The following NR1D2 variants were observed in gnomAD, a reference collection of about 807,000 sequenced individuals.
NR1D2 encodes the protein V-erbA-related protein 1-related.
Under a neutral mutation model 52.2 loss-of-function variants are expected in NR1D2, and 25 were observed. The observed-to-expected ratio is 0.48, with a 90% CI of 0.35 to 0.67. NR1D2 has a LOEUF of 0.67. NR1D2 is among the 30% of genes least tolerant of loss of function. The pLI is 0.01. For synonymous variants in NR1D2, 259 were observed against 230.1 expected, an observed-to-expected ratio of 1.13 and a Z score of -1.14; for missense variants, 681 against 707.2, an observed-to-expected ratio of 0.96 and a Z score of 0.42.
At chr3:23,970,559 G>A (rs1244907007) in intron 7 of NR1D2, among the ~76,000 whole-genome samples, 2 of 151,856 alleles carry the variant, frequency 1.3e-5, no homozygotes, top group Non-Finnish European at 2.9e-5. Context: ...CTATCCATTC[G>A]CCTATCCATC....
At chr3:23,947,040 CTGT>C (rs944487096) in intron 1 of NR1D2, among the ~76,000 whole-genome samples, 5 of 151,858 alleles carry the variant, frequency 3.3e-5, no homozygotes, top group Admixed American at 1.3e-4. Flanking sequence ...TTTTTTTAAC[CTGT>C]TGTCTCACAA....
At chr3:23,956,832 C>T (rs534351229) in intron 3 of NR1D2, among the ~76,000 whole-genome samples, 3 of 152,150 alleles carry the variant, frequency 2.0e-5, no homozygotes, top group Non-Finnish European at 4.4e-5. Flanking sequence ...CAAAAATTAA[C>T]GTGATGAAGA....
At chr3:23,953,182 A>G (rs1705989231) in intron 1 of NR1D2, among the ~76,000 whole-genome samples, 1 of 151,760 alleles carries the variant, frequency 6.6e-6, no homozygotes, top group African/African-American at 2.4e-5. Context: ...ACTAAAAAAA[A>G]AAATACAAAA....
At chr3:23,962,744 T>C (rs1647494478) in intron 5 of NR1D2, 139 bp downstream of exon 5, 1 of 759,756 alleles carries the variant, frequency 1.3e-6, no homozygotes, top group Admixed American at 2.8e-5. Flanking sequence ...GTACAGTATT[T>C]TAGGTCAAAT....
rs773744875 is a variant in NR1D2, at chr3:23,957,583, C to CGTAGTG, written c.372+1461_372+1466dup. ...TACAAAAAAAAAAAAATTAGCCGGACGTAGTGGTGGGCGCCTGTAGTCCCA... is the reference window on the plus strand; with the variant it reads ...TACAAAAAAAAAAAAATTAGCCGGACGTAGTGGTAGTGGTGGGCGCCTGTAGTCCCA... On this transcript the variant is annotated intron_variant, in intron 3 of 7. Transcript: ENST00000312521. Among the ~76,000 whole-genome samples, 4 of 150,818 alleles carry CGTAGTG rather than the reference C, an allele frequency of 2.7e-5. No homozygotes were observed. In the East Asian group the frequency reaches 5.9e-4, roughly 22 times the overall value.
rs869108010 is a variant in NR1D2 at position 23,961,389 on chromosome 3, C to CTTT, written c.518-566_518-564dup. ...TCATATTTCTTTTTTCTTTTTCTTT[C>CTTT]TTTTTTTTTTTTTTTTTTTTTTTTA... On this transcript the variant is annotated intron_variant, in intron 4 of 7. Transcript: ENST00000312521. Among the ~76,000 whole-genome samples, 236 of 75,946 alleles carry CTTT rather than the reference C, an allele frequency of 3.1e-3. 12 individuals carry two copies. In the South Asian group the frequency reaches 0.046, roughly 15 times the overall value. The allele number at this position is 75,946 out of a possible 152,430, so 49.8% of individuals were successfully genotyped here. A position where few individuals can be genotyped will look rare whatever the true frequency, so the allele number is the denominator to read the frequency against.
At chr3:23,950,714 A>T (rs1705902412) in intron 1 of NR1D2, among the ~76,000 whole-genome samples, 1 of 152,174 alleles carries the variant, frequency 6.6e-6, no homozygotes, top group South Asian at 2.1e-4. Context: ...TTCTTAAGAC[A>T]GGAATTGGAT....
chr3:23,954,190 G>T (rs1411384906), intron 1 of NR1D2, among the ~76,000 whole-genome samples: 1 of 152,222 alleles, frequency 6.6e-6, no homozygotes, highest in East Asian at 1.9e-4. Context: ...AAATTTTTTT[G>T]TAGAAACAGC....
In NR1D2 at chr3:23,967,909, A is replaced by G. The variant is rs758727574; in HGVS notation, c.1429A>G (p.Met477Val). The G allele has an allele frequency of 8.7e-6, 14 of 1,613,956 alleles. No individual in the cohort carries two copies. Among genetic ancestry groups the G allele is most frequent in the African/African-American group, 4.0e-5 (3 of 74,928 alleles). Residue 477 changes from methionine (M) to valine (V), a missense_variant, in exon 7 of 8, where the codon ATG becomes GTG. Around this residue, in one of 3 missense-constraint regions of NR1D2, gnomAD observed 475 missense variants for 454.5 expected, o/e 1.05. Transcript: ENST00000312521. ...KKYSVDDLHS[M>V]GAGDLLNSMF... ...ATATAGTGTGGATGATTTACACTCA[A>G]TGGGAGCAGGGGATCTGCTAAACTC...
chr3:23,951,091 G>T (rs1705916800), intron 1 of NR1D2, among the ~76,000 whole-genome samples: 1 of 152,012 alleles, frequency 6.6e-6, no homozygotes, highest in African/African-American at 2.4e-5. Context: ...TTTTAGTAGA[G>T]ATGGGGTTTC....
intron 3 of NR1D2, 53 bp downstream of exon 3, chr3:23,956,178 G>A (rs1288744889): frequency 7.0e-7 from 1 of 1,432,514 alleles, no homozygotes; most frequent in African/African-American, 1.4e-5. Context: ...TTAAGAAGTT[G>A]GGTTTAGATT....
intron 6 of NR1D2, 70 bp downstream of exon 6, chr3:23,965,232 A>ATTTT: frequency 2.9e-6 from 2 of 686,936 alleles, no homozygotes; most frequent in Admixed American, 3.9e-5. Flanking sequence ...GGATGTTTTA[A>ATTTT]TTCTTTTTTT....
At chr3:23,970,682 T>C (rs1297127508) in intron 7 of NR1D2, among the ~76,000 whole-genome samples, 2 of 152,238 alleles carry the variant, frequency 1.3e-5, no homozygotes, top group African/African-American at 4.8e-5. Flanking sequence ...TGTCACTGTA[T>C]GAACATATAC....
chr3:23,959,470 T>C (rs1332992299), intron 3 of NR1D2, among the ~76,000 whole-genome samples: 2 of 152,066 alleles, frequency 1.3e-5, no homozygotes, highest in Non-Finnish European at 2.9e-5. Context: ...AGGTGCTTAC[T>C]CATACCAATA....
At chr3:23,955,842 AC>A (rs1706067455) in intron 2 of NR1D2, among the ~76,000 whole-genome samples, 194 bp from the exon 3 acceptor site, 1 of 151,692 alleles carries the variant, frequency 6.6e-6, no homozygotes, top group African/African-American at 2.4e-5. Flanking sequence ...ACAAAGCAAA[AC>A]AAAAAAAAAA....
chr3:23,958,585 A>C (rs1207926103), intron 3 of NR1D2, among the ~76,000 whole-genome samples: 1 of 145,780 alleles, frequency 6.9e-6, no homozygotes, highest in African/African-American at 2.6e-5. Context: ...AGTTGCGGTG[A>C]GCTATTATTA....
intron 7 of NR1D2, among the ~76,000 whole-genome samples, chr3:23,969,022 C>T (rs1228667453): frequency 1.3e-5 from 2 of 152,100 alleles, no homozygotes; most frequent in Admixed American, 1.3e-4. Context: ...CAGGGGTGCA[C>T]GCCTGTAATC....
At chr3:23,960,230 A>G (rs564226669) in intron 4 of NR1D2, among the ~76,000 whole-genome samples, 3 of 152,226 alleles carry the variant, frequency 2.0e-5, no homozygotes, top group African/African-American at 4.8e-5. Context: ...GTGAAACCCC[A>G]TATCTACTAA....
In NR1D2 at chr3:23,962,738, A is replaced by G. The variant is rs1205011775; in HGVS notation, c.1146+133A>G. The G allele has an allele frequency of 8.7e-6, 7 of 808,760 alleles. No individual in the cohort carries two copies. In the East Asian group the frequency reaches 1.8e-4, roughly 21 times the overall value. The allele number at this position is 808,760 out of a possible 1,614,324, so 50.1% of individuals were successfully genotyped here. Reference sequence around the variant, plus strand: ...GAAATTTACAGACTTAATTTTGTACAGTATTTTAGGTCAAATAATTTTAAT... The same window carrying G: ...GAAATTTACAGACTTAATTTTGTACGGTATTTTAGGTCAAATAATTTTAAT... On this transcript the variant is annotated intron_variant, in intron 5 of 7. Coordinates refer to ENST00000312521, the MANE Select transcript of NR1D2 (RefSeq NM_005126.5).
Sources: gnomAD v4.1 joint callset for allele counts (sites outside exome capture counted in the v4.1 genomes callset) on GRCh38, gnomAD v4.1.1 for gene constraint, gnomAD v4.1.1 regional missense constraint, MANE v1.5 for transcripts, NCBI Gene and HGNC (gene_info 2026-07-23, HGNC 2026-07-21) for gene names.